ATP6V0A2: variants seen among roughly 807,000 people sequenced by gnomAD.
ATP6V0A2 encodes V-type proton ATPase 116 kDa subunit a 2.
A neutral mutation model predicts 104.4 loss-of-function variants in ATP6V0A2; 58 were observed. That is an observed-to-expected ratio of 0.56 (90% CI 0.45 to 0.69). The LOEUF is 0.69. Ranked by LOEUF, ATP6V0A2 falls within the 30% of genes least tolerant of loss-of-function variation. The pLI, the probability that ATP6V0A2 is intolerant of heterozygous loss-of-function variation, is 0.00. For missense variants in ATP6V0A2, 938 were observed against 1,062.9 expected, an observed-to-expected ratio of 0.88 and a Z score of 1.63; for synonymous variants, 376 against 397.9, an observed-to-expected ratio of 0.95 and a Z score of 0.65.
intron 1 of ATP6V0A2, among the ~76,000 whole-genome samples, chr12:123,716,436 AC>A (rs1389863088): frequency 4.6e-5 from 7 of 152,154 alleles, no homozygotes; most frequent in Non-Finnish European, 1.0e-4. Context: ...ATAATCAAAT[AC>A]CTGGTCATTT....
chr12:123,743,517 G>T (rs1956629010), intron 9 of ATP6V0A2, among the ~76,000 whole-genome samples: 2 of 152,090 alleles, frequency 1.3e-5, no homozygotes, highest in African/African-American at 4.8e-5. Context: ...GACGGGCATG[G>T]TTGCATATGC....
In ATP6V0A2 at chr12:123,721,190, GTGTTTTGTTT is replaced by G. The variant is rs55821427; in HGVS notation, c.197-1139_197-1130del. 563 of 152,022 alleles carry G rather than the reference GTGTTTTGTTT, an allele frequency of 3.7e-3. 1 individual carries two copies. Among genetic ancestry groups the G allele is most frequent in the Admixed American group, 4.5e-3 (68 of 15,112 alleles). 9.4% of individuals were successfully genotyped at this position (152,022 alleles called of 1,614,324 possible). ...TGTACTATTAGTTTCATGAATCTAG[GTGTTTTGTTT>G]TGTTTTGTTTTGTTTTGTTTTAATG... On this transcript the variant is annotated intron_variant, in intron 2 of 19. Transcript: ENST00000330342.
chr12:123,726,285 G>A lies in ATP6V0A2; in HGVS notation c.521G>A (p.Gly174Glu), dbSNP rs147005791. The change falls in exon 5 of 20, where the codon GGA becomes GAA. Residue 174 changes from glycine (G) to glutamate (E), a missense_variant and splice_region_variant. Coordinates refer to ENST00000330342, the MANE Select transcript of ATP6V0A2 (RefSeq NM_012463.4). ...ATGCAGAGGCTGGGAGCAAAACTGG[G>A]GTAGGTGACAAGGCCTGGGGTGTCA... ...SCMQRLGAKL[G>E]FVSGLINQGK... 7 of 1,612,706 alleles carry A rather than the reference G, an allele frequency of 4.3e-6. No homozygotes were observed. Among genetic ancestry groups the A allele is most frequent in the Non-Finnish European group, 5.1e-6 (6 of 1,178,698 alleles).
At chr12:123,736,202 T>C (rs2135900639) in intron 8 of ATP6V0A2, among the ~76,000 whole-genome samples, 1 of 146,718 alleles carries the variant, frequency 6.8e-6, no homozygotes, top group East Asian at 2.0e-4. Flanking sequence ...TTTTTTTTTT[T>C]TTTTTGAGGT....
chr12:123,757,422 C>CAA (rs34248333), intron 19 of ATP6V0A2, among the ~76,000 whole-genome samples: 101,005 of 151,438 alleles, frequency 0.67, 34,128 homozygotes, highest in East Asian at 0.95. Flanking sequence ...GCCTGGGGGA[C>CAA]GAGCGAAACT....
intron 18 of ATP6V0A2, 37 bp downstream of exon 18, chr12:123,754,574 T>C (rs1956745936): frequency 6.9e-7 from 1 of 1,450,702 alleles, no homozygotes; most frequent in Non-Finnish European, 9.7e-7. Context: ...CCCAATGCCC[T>C]GTAGTGCCAG....
intron 6 of ATP6V0A2, among the ~76,000 whole-genome samples, chr12:123,730,145 C>T (rs887627774): frequency 2.7e-5 from 4 of 149,810 alleles, no homozygotes; most frequent in Non-Finnish European, 5.9e-5. Context: ...AGCTCCGCCT[C>T]CTGGGTTCAC....
intron 7 of ATP6V0A2, among the ~76,000 whole-genome samples, chr12:123,735,075 A>G (rs1382102558): frequency 6.6e-6 from 1 of 151,990 alleles, no homozygotes; most frequent in African/African-American, 2.4e-5. Context: ...CGAGTGGCTG[A>G]GTGGCCCTGA....
intron 17 of ATP6V0A2, 29 bp downstream of exon 17, chr12:123,752,431 C>T (rs1310385010): frequency 6.2e-6 from 10 of 1,612,122 alleles, no homozygotes; most frequent in Admixed American, 1.7e-5. Flanking sequence ...TATTGATAAA[C>T]TTAGATAAGT....
intron 6 of ATP6V0A2, chr12:123,730,505 G>C (rs1956492306): frequency 6.6e-6 from 1 of 152,160 alleles, no homozygotes; most frequent in South Asian, 2.1e-4. Context: ...AATCTAATCA[G>C]TTAAGCCCTT....
chr12:123,724,220 G>A (rs929337706), intron 3 of ATP6V0A2: 1 of 152,716 alleles, frequency 6.5e-6, no homozygotes, highest in Non-Finnish European at 1.5e-5. Context: ...CTCCTGAGTA[G>A]CTGGGATTAC....
At position 123,756,804 on chromosome 12, in the gene ATP6V0A2, C is replaced by T. The variant is rs1566294398; in HGVS notation, c.2294-11C>T. 6.2e-7 allele frequency: 1 copy of T among 1,613,528 alleles called. No homozygotes were observed. Among genetic ancestry groups the T allele is most frequent in the Non-Finnish European group, 8.5e-7 (1 of 1,180,006 alleles). On this transcript the variant is annotated splice_polypyrimidine_tract_variant and intron_variant, in intron 18 of 19. Transcript: ENST00000330342. Reference sequence around the variant, plus strand: ...GCGAGCATGACCTGTGCAGGCTGCACTCCTTTGCAGAGTTGTCTGATGTCC... The same window carrying T: ...GCGAGCATGACCTGTGCAGGCTGCATTCCTTTGCAGAGTTGTCTGATGTCC...
At chr12:123,714,047 G>A (rs1956317880) in intron 1 of ATP6V0A2, among the ~76,000 whole-genome samples, 1 of 152,188 alleles carries the variant, frequency 6.6e-6, no homozygotes, top group South Asian at 2.1e-4. Flanking sequence ...GCTGTGAATA[G>A]CACCCAAAAC....
At chr12:123,725,477 T>A (rs1956440704) in intron 4 of ATP6V0A2, among the ~76,000 whole-genome samples, 1 of 152,162 alleles carries the variant, frequency 6.6e-6, no homozygotes, top group Admixed American at 6.6e-5. Context: ...AAAAGAATAA[T>A]CTATAATTTC....
intron 9 of ATP6V0A2, among the ~76,000 whole-genome samples, chr12:123,740,412 T>C (rs1425148979): frequency 2.0e-5 from 3 of 152,224 alleles, no homozygotes; most frequent in South Asian, 4.1e-4. Flanking sequence ...GGTTTCATAA[T>C]GTTGGCCAGG....
chr12:123,734,061 T>TAGTTTTCC (rs1956528945), intron 7 of ATP6V0A2, 53 bp downstream of exon 7: 1 of 1,438,472 alleles, frequency 7.0e-7, no homozygotes, highest in Non-Finnish European at 9.7e-7. Flanking sequence ...CAGTCACCTC[T>TAGTTTTCC]AGTTTTCCTT....
chr12:123,720,662 C>T (rs1566274341), intron 2 of ATP6V0A2, among the ~76,000 whole-genome samples: 1 of 152,106 alleles, frequency 6.6e-6, no homozygotes, highest in Non-Finnish European at 1.5e-5. Flanking sequence ...CACCACTGTA[C>T]TCCAGCCTGG....
At chr12:123,751,393 A>G (rs1336832004) in intron 16 of ATP6V0A2, among the ~76,000 whole-genome samples, 164 bp downstream of exon 16, 1 of 152,086 alleles carries the variant, frequency 6.6e-6, no homozygotes, top group Non-Finnish European at 1.5e-5. Flanking sequence ...GGTGGCTCAC[A>G]CCTATAATCC....
intron 18 of ATP6V0A2, among the ~76,000 whole-genome samples, chr12:123,755,798 A>G (rs1443397031): frequency 4.0e-5 from 6 of 151,712 alleles, no homozygotes; most frequent in African/African-American, 1.5e-4. Context: ...TAACTCTCTT[A>G]TTAGCTGGGT....
Sources: gnomAD v4.1 joint callset for allele counts (sites outside exome capture counted in the v4.1 genomes callset) on GRCh38, gnomAD v4.1.1 for gene constraint, MANE v1.5 for transcripts, NCBI Gene and HGNC (gene_info 2026-07-23, HGNC 2026-07-21) for gene names.